The following JUP variants were observed in gnomAD, a reference collection of about 807,000 sequenced individuals.
The protein encoded by JUP is junction plakoglobin, also known as catenin (cadherin-associated protein), gamma 80kDa.
JUP carries 28 observed loss-of-function variants against 71.1 expected under a neutral mutation model. The observed-to-expected ratio is 0.39, with a 90% CI of 0.29 to 0.54. The LOEUF (loss-of-function observed/expected upper bound fraction) is 0.54, where lower values mean the gene tolerates loss of function less well. Ranked by LOEUF, JUP falls within the 20% of genes least tolerant of loss-of-function variation. The pLI, the probability that JUP is intolerant of heterozygous loss-of-function variation, is 0.62. For missense variants in JUP, 869 were observed against 1,030.1 expected, an observed-to-expected ratio of 0.84 and a Z score of 2.14; for synonymous variants, 401 against 438.9, an observed-to-expected ratio of 0.91 and a Z score of 1.08.
intron 1 of JUP, among the ~76,000 whole-genome samples, chr17:41,774,828 T>C (rs78796863): frequency 0.047 from 7,109 of 151,606 alleles, 531 homozygotes; most frequent in African/African-American, 0.16. Context: ...CAGGTTCGGG[T>C]GCGGTGGCTC....
chr17:41,765,860 G>C (rs1915633733), intron 5 of JUP, among the ~76,000 whole-genome samples: 1 of 152,168 alleles, frequency 6.6e-6, no homozygotes, highest in Admixed American at 6.6e-5. Flanking sequence ...TCCGCTCTTT[G>C]ACAAAGGCTA....
chr17:41,767,648 G>A, intron 4 of JUP, 68 bp from the exon 5 acceptor site: 2 of 1,331,898 alleles, frequency 1.5e-6, no homozygotes, highest in East Asian at 2.4e-5. Context: ...AGCCTGGCAT[G>A]GGTTCCCACC....
At chr17:41,764,622 T>A (rs1335546817) in intron 7 of JUP, 91 bp downstream of exon 7, 13 of 917,078 alleles carry the variant, frequency 1.4e-5, no homozygotes, top group African/African-American at 5.0e-5. Context: ...GAGCCCCCAG[T>A]CCTCCCACAG....
chr17:41,754,788 AG>A lies in JUP; in HGVS notation c.*955del, dbSNP rs1231337797. On this transcript the variant is annotated 3_prime_UTR_variant, in exon 14 of 14. Coordinates refer to ENST00000393931, the MANE Select transcript of JUP (RefSeq NM_002230.4). ...GAGAAAGCCCCTCACCACACACCAG[AG>A]GGGTCAGCCAAGAGCACTTCTCGGG... is the stretch of plus-strand genomic sequence containing the variant. 3.9e-5 allele frequency: 6 copies of A among 152,452 alleles called. No homozygotes were observed. Among genetic ancestry groups the A allele is most frequent in the African/African-American group, 1.5e-4 (6 of 41,216 alleles). The allele number at this position is 152,452 out of a possible 1,614,324, so 9.4% of individuals were successfully genotyped here.
chr17:41,785,388 G>T (rs1376548583), intron 1 of JUP, among the ~76,000 whole-genome samples: 1 of 152,196 alleles, frequency 6.6e-6, no homozygotes, highest in Non-Finnish European at 1.5e-5. Flanking sequence ...TGTCTGAGGG[G>T]GTGTGGTGGT....
At chr17:41,770,760 A>G (rs1916526109) in intron 2 of JUP, among the ~76,000 whole-genome samples, 1 of 152,210 alleles carries the variant, frequency 6.6e-6, no homozygotes, top group African/African-American at 2.4e-5. Context: ...CCCATCCCGG[A>G]CTAAGCCCCA....
chr17:41,780,644 A>G (rs1200021807), intron 1 of JUP, among the ~76,000 whole-genome samples: 48 of 151,794 alleles, frequency 3.2e-4, no homozygotes, highest in Non-Finnish European at 5.6e-4. Context: ...GCAGTGAGCC[A>G]AGACTGCACT....
chr17:41,774,306 G>C (rs1555607980), intron 1 of JUP, among the ~76,000 whole-genome samples: 1 of 152,014 alleles, frequency 6.6e-6, no homozygotes, highest in African/African-American at 2.4e-5. Flanking sequence ...AGCAACCCTG[G>C]CAGATGTTTT....
At chr17:41,761,527 T>A (rs1480509348) in intron 8 of JUP, among the ~76,000 whole-genome samples, 1 of 151,958 alleles carries the variant, frequency 6.6e-6, no homozygotes, top group Admixed American at 6.6e-5. Context: ...AAATACAGAA[T>A]TGGGCCAGGT....
At chr17:41,771,588 C>A (rs1555606885) in intron 2 of JUP, 59 bp downstream of exon 2, 7 of 1,514,630 alleles carry the variant, frequency 4.6e-6, no homozygotes, top group Middle Eastern at 2.3e-4. Context: ...TCACTCTGAC[C>A]TCTCTCCAGG....
chr17:41,783,784 T>C (rs1164866516), intron 1 of JUP, among the ~76,000 whole-genome samples: 2 of 146,274 alleles, frequency 1.4e-5, no homozygotes, highest in Non-Finnish European at 3.0e-5. Context: ...CCGGGGGTGG[T>C]GGCACACGCC....
At chr17:41,758,184 T>TG (rs1381910339) in intron 10 of JUP, 9 of 562,350 alleles carry the variant, frequency 1.6e-5, no homozygotes, top group African/African-American at 1.5e-4. Flanking sequence ...TTTTGTTTTT[T>TG]TTTTCCATTT....
At chr17:41,783,199 TG>T (rs1184071619) in intron 1 of JUP, among the ~76,000 whole-genome samples, 3 of 151,916 alleles carry the variant, frequency 2.0e-5, no homozygotes, top group African/African-American at 7.3e-5. Flanking sequence ...TGGTGCTGCT[TG>T]GGTCTCGCTG....
intron 12 of JUP, 24 bp downstream of exon 12, chr17:41,757,391 T>C (rs549909446): frequency 6.2e-7 from 1 of 1,613,998 alleles, no homozygotes; most frequent in East Asian, 2.2e-5. Flanking sequence ...AACCAACTAC[T>C]GTGGTCCAAC....
At chr17:41,758,615 TTGGCATCAG>T in intron 9 of JUP, 91 bp downstream of exon 9, 1 of 1,571,438 alleles carries the variant, frequency 6.4e-7, no homozygotes, top group Non-Finnish European at 8.7e-7. Flanking sequence ...GTTCTTGGAA[TTGGCATCAG>T]TTGCAACTGA....
Position 41,769,172 on chromosome 17 carries a change from C to A in JUP, c.504G>T (p.Gln168His). ...GCCGCGACGCCTCCTTCTTCGACAG[C>A]TGGTTCACAATCATGGCCGCCTTGG... Reference protein sequence around the residue: ...VVTKAAMIVNQLSKKEASRRA... With the variant: ...VVTKAAMIVNHLSKKEASRRA... The change falls in exon 4 of 14, where the codon CAG (glutamine) becomes CAT (histidine). Residue 168 changes from glutamine to histidine, a missense_variant. By Grantham distance (24) the Gln-to-His change is conservative. Transcript: ENST00000393931. The A allele has an allele frequency of 6.2e-7, 1 of 1,603,456 alleles. No homozygotes were observed. The highest frequency in any genetic ancestry group is 1.7e-4 in the Middle Eastern group (1 of 5,906).
intron 1 of JUP, chr17:41,772,806 G>A (rs1916866730): frequency 1.0e-6 from 1 of 985,448 alleles, no homozygotes; most frequent in Non-Finnish European, 1.2e-6. Flanking sequence ...CTCTGCAAAG[G>A]TTTAGGCGCA....
chr17:41,776,892 G>C (rs2046912320), intron 1 of JUP, among the ~76,000 whole-genome samples: 3 of 152,186 alleles, frequency 2.0e-5, no homozygotes, highest in African/African-American at 7.2e-5. Context: ...TGTAATCCCA[G>C]CTACTCGGGA....
At chr17:41,772,967 T>G (rs879950030) in intron 1 of JUP, 1 of 985,392 alleles carries the variant, frequency 1.0e-6, no homozygotes, top group East Asian at 1.1e-4. Context: ...GAGGGCCTAC[T>G]ACGAGCCAGA....
Sources: gnomAD v4.1 joint callset for allele counts (sites outside exome capture counted in the v4.1 genomes callset) on GRCh38, gnomAD v4.1.1 for gene constraint, MANE v1.5 for transcripts, NCBI Gene and HGNC (gene_info 2026-07-23, HGNC 2026-07-21) for gene names.